GLRA2: variants seen among roughly 807,000 people sequenced by gnomAD.
GLRA2 encodes glycine receptor alpha 2, also known as glycine receptor subunit alpha-2.
GLRA2 carries 11 observed loss-of-function variants against 31.6 expected under a neutral mutation model. The observed-to-expected ratio is 0.35, with a 90% CI of 0.22 to 0.58. The LOEUF is 0.58. Ranked by LOEUF, GLRA2 falls within the 20% of genes least tolerant of loss-of-function variation. The pLI is 0.84. For missense variants in GLRA2, 212 were observed against 351.8 expected (o/e 0.60, Z 3.18); for synonymous variants, 132 against 134.0 (o/e 0.99, Z 0.10).
At chrX:14,483,667 C>T in the GLRA2 span, among the ~76,000 whole-genome samples, 1 of 111,962 alleles carries the variant, frequency 8.9e-6, no homozygotes, top group Non-Finnish European at 1.9e-5. Flanking sequence ...TTTGTTAGAA[C>T]TCAATAATGT....
chrX:14,518,884 T>C, the GLRA2 span, among the ~76,000 whole-genome samples: 1 of 104,109 alleles, frequency 9.6e-6, no homozygotes, highest in Non-Finnish European at 2.0e-5. Flanking sequence ...TGGTGGTGGG[T>C]GCCTGTAGTC....
At chrX:14,550,092 G>C (rs1225089447) in intron 2 of GLRA2, among the ~76,000 whole-genome samples, 1 of 110,494 alleles carries the variant, frequency 9.1e-6, no homozygotes, top group Non-Finnish European at 1.9e-5. Flanking sequence ...ACCTTAGCAA[G>C]GCCAATTTCC....
chrX:14,575,205 T>A (rs765240913), intron 3 of GLRA2, among the ~76,000 whole-genome samples: 1 of 103,555 alleles, frequency 9.7e-6, no homozygotes, highest in Admixed American at 1.0e-4. Flanking sequence ...CCAGTGCATT[T>A]TTTTTTTTTT....
the GLRA2 span, among the ~76,000 whole-genome samples, chrX:14,465,423 C>A: frequency 1.8e-5 from 2 of 111,944 alleles, no homozygotes; most frequent in Non-Finnish European, 3.8e-5. Flanking sequence ...TTCTTCTTTC[C>A]CAATTTGGAT....
At chrX:14,613,498 AT>A (rs766228169) in intron 7 of GLRA2, among the ~76,000 whole-genome samples, 8 of 112,108 alleles carry the variant, frequency 7.1e-5, no homozygotes, top group African/African-American at 1.9e-4. Flanking sequence ...AATAAAAAAA[AT>A]AACCAATACA....
chrX:14,673,507 C>T (rs1601819323), intron 7 of GLRA2, among the ~76,000 whole-genome samples: 2 of 111,368 alleles, frequency 1.8e-5, no homozygotes, highest in African/African-American at 6.5e-5. Flanking sequence ...AAGGTTTGGC[C>T]ACTGCTTCCT....
chrX:14,706,706 C>A (rs1283293177), intron 8 of GLRA2, among the ~76,000 whole-genome samples: 1 of 111,605 alleles, frequency 9.0e-6, no homozygotes, highest in Non-Finnish European at 1.9e-5. Flanking sequence ...TTCACATACA[C>A]AAGGAGGAAA....
intron 8 of GLRA2, among the ~76,000 whole-genome samples, chrX:14,691,556 T>C (rs2091361575): frequency 1.8e-5 from 2 of 111,399 alleles, no homozygotes; most frequent in Admixed American, 1.9e-4. Context: ...TTCCCAAACT[T>C]GCCTGCACAT....
chrX:14,698,669 CTCTA>C (rs1251312207), intron 8 of GLRA2, among the ~76,000 whole-genome samples: 2 of 67,992 alleles, frequency 2.9e-5, no homozygotes, highest in South Asian at 1.3e-3. Context: ...CAGAGTGAGA[CTCTA>C]TCTATCTCAA....
intron 4 of GLRA2, among the ~76,000 whole-genome samples, chrX:14,601,781 G>T (rs1231932690): frequency 9.0e-6 from 1 of 111,171 alleles, no homozygotes; most frequent in East Asian, 2.8e-4. Flanking sequence ...TACTTGAATA[G>T]ATTGTAAAAA....
chrX:14,696,732 T>A, intron 8 of GLRA2, among the ~76,000 whole-genome samples: 1 of 111,831 alleles, frequency 8.9e-6, no homozygotes, highest in Middle Eastern at 4.7e-3. Flanking sequence ...GAAAAAGATA[T>A]GGTTTGGGCA....
chrX:14,461,437 T>C, the GLRA2 span, among the ~76,000 whole-genome samples: 3 of 111,714 alleles, frequency 2.7e-5, no homozygotes, highest in African/African-American at 9.8e-5. Flanking sequence ...TGTCTAATAT[T>C]GATAGTGGAG....
rs1308643611 is a variant in GLRA2 at position 14,599,466 on chromosome X, A to T, written c.495-4849A>T. ...CAAAGTGGGTGAAAAGCCAGAGCAA[A>T]GGAGATAAAAATTGTTCACATTTTA... On this transcript the variant is annotated intron_variant, in intron 4 of 8. Transcript: ENST00000218075. Among the ~76,000 whole-genome samples the T allele has an allele frequency of 3.6e-5, 4 of 112,662 alleles. No individual in the cohort carries two copies. The East Asian group carries it at 1.1e-3, about 32-fold the overall frequency.
chrX:14,716,463 G>A (rs2091787402), intron 8 of GLRA2, among the ~76,000 whole-genome samples: 1 of 111,799 alleles, frequency 8.9e-6, no homozygotes, highest in Non-Finnish European at 1.9e-5. Flanking sequence ...TTTGAGGGAA[G>A]AGATTGATCC....
At chrX:14,515,675 C>G in the GLRA2 span, among the ~76,000 whole-genome samples, 1 of 111,713 alleles carries the variant, frequency 9.0e-6, no homozygotes, top group Admixed American at 9.5e-5. Context: ...AATTATTATG[C>G]TTTTCATTTC....
At chrX:14,703,606 C>T (rs1033151455) in intron 8 of GLRA2, among the ~76,000 whole-genome samples, 3 of 111,629 alleles carry the variant, frequency 2.7e-5, no homozygotes, top group Non-Finnish European at 5.7e-5. Context: ...AGGCATTATC[C>T]TGCCTGCCAC....
intron 8 of GLRA2, among the ~76,000 whole-genome samples, chrX:14,691,673 C>A (rs2091363843): frequency 9.0e-6 from 1 of 111,623 alleles, no homozygotes; most frequent in East Asian, 2.8e-4. Context: ...CTGCAGCTCC[C>A]CAGGCAATTC....
At chrX:14,603,160 A>G (rs1384800656) in intron 4 of GLRA2, among the ~76,000 whole-genome samples, 1 of 107,812 alleles carries the variant, frequency 9.3e-6, no homozygotes, top group Non-Finnish European at 1.9e-5. Flanking sequence ...TTTGATTTGC[A>G]TTACCCTGAT....
intron 8 of GLRA2, among the ~76,000 whole-genome samples, chrX:14,716,135 A>G (rs2091781302): frequency 9.0e-6 from 1 of 111,139 alleles, no homozygotes; most frequent in African/African-American, 3.3e-5. Context: ...CCTTATTTGC[A>G]TGTGTCTACT....
Sources: gnomAD v4.1 joint callset for allele counts (sites outside exome capture counted in the v4.1 genomes callset) on GRCh38, gnomAD v4.1.1 for gene constraint, MANE v1.5 for transcripts, NCBI Gene and HGNC (gene_info 2026-07-23, HGNC 2026-07-21) for gene names.